The following PCDH9 variants were observed in gnomAD, a reference collection of about 807,000 sequenced individuals.
PCDH9 encodes the protein protocadherin 9.
A neutral mutation model predicts 70.6 loss-of-function variants in PCDH9; 24 were observed. The observed-to-expected ratio is 0.34, with a 90% CI of 0.25 to 0.48. The LOEUF (loss-of-function observed/expected upper bound fraction) is 0.48. Ranked by LOEUF, PCDH9 falls within the 20% of genes least tolerant of loss-of-function variation. The probability of loss-of-function intolerance (pLI) is 0.99; values close to 1 mark genes in which losing one functional copy is unlikely to be tolerated. For missense variants in PCDH9, 1,281 were observed against 1,503.6 expected, an observed-to-expected ratio of 0.85 and a Z score of 2.45; for synonymous variants, 562 against 558.5, an observed-to-expected ratio of 1.01 and a Z score of -0.09.
intron 4 of PCDH9, among the ~76,000 whole-genome samples, chr13:66,345,634 T>A (rs1168397232): frequency 1.3e-5 from 2 of 152,120 alleles, no homozygotes; most frequent in Non-Finnish European, 2.9e-5. Flanking sequence ...AAATAAAAGG[T>A]TTCCCCTGAA....
chr13:66,884,597 C>T (rs2081977088), intron 3 of PCDH9, among the ~76,000 whole-genome samples: 1 of 152,058 alleles, frequency 6.6e-6, no homozygotes, highest in Admixed American at 6.5e-5. Flanking sequence ...ACTGGCTTTC[C>T]TACATTATAA....
At chr13:66,715,919 T>C (rs2078861312) in intron 3 of PCDH9, among the ~76,000 whole-genome samples, 1 of 152,216 alleles carries the variant, frequency 6.6e-6, no homozygotes, top group African/African-American at 2.4e-5. Context: ...GAAAGGGTCT[T>C]TGGAATCTTT....
At chr13:67,109,225 A>G (rs2086608159) in intron 2 of PCDH9, among the ~76,000 whole-genome samples, 1 of 152,122 alleles carries the variant, frequency 6.6e-6, no homozygotes, top group South Asian at 2.1e-4. Context: ...CACCTTTGCC[A>G]CTTTTTCACC....
chr13:66,392,325 G>A (rs1957031996), intron 4 of PCDH9, among the ~76,000 whole-genome samples: 1 of 151,928 alleles, frequency 6.6e-6, no homozygotes, highest in South Asian at 2.1e-4. Context: ...TTAGAGAAAA[G>A]GTTGCAATAC....
chr13:67,043,551 G>A (rs1355059451), intron 2 of PCDH9, among the ~76,000 whole-genome samples: 2 of 152,002 alleles, frequency 1.3e-5, no homozygotes, highest in Non-Finnish European at 2.9e-5. Flanking sequence ...AAAATTATAG[G>A]GTCTATGGGC....
At chr13:66,437,972 G>A (rs1957904565) in intron 4 of PCDH9, among the ~76,000 whole-genome samples, 1 of 152,088 alleles carries the variant, frequency 6.6e-6, no homozygotes, top group East Asian at 1.9e-4. Flanking sequence ...GGTGGCTCAC[G>A]CCTGTAATTC....
At chr13:66,622,145 A>C (rs2077430550) in intron 4 of PCDH9, among the ~76,000 whole-genome samples, 1 of 152,212 alleles carries the variant, frequency 6.6e-6, no homozygotes, top group African/African-American at 2.4e-5. Flanking sequence ...GCCCACGGGC[A>C]CTGCACTCGA....
chr13:67,229,180 A>C (rs1374239645), intron 1 of PCDH9, among the ~76,000 whole-genome samples: 3 of 152,252 alleles, frequency 2.0e-5, no homozygotes, highest in Non-Finnish European at 4.4e-5. Context: ...GCCTAAAAGC[A>C]CAACAACAAG....
At chr13:66,661,490 A>G (rs760476556) in intron 3 of PCDH9, among the ~76,000 whole-genome samples, 4 of 152,180 alleles carry the variant, frequency 2.6e-5, no homozygotes, top group African/African-American at 4.8e-5. Flanking sequence ...ATCATTTACT[A>G]ATTAAAATTG....
chr13:67,069,657 C>T (rs2085720839), intron 2 of PCDH9, among the ~76,000 whole-genome samples: 1 of 152,112 alleles, frequency 6.6e-6, no homozygotes, highest in Non-Finnish European at 1.5e-5. Flanking sequence ...TGACCATCTC[C>T]TTTCTTTCTG....
intron 2 of PCDH9, among the ~76,000 whole-genome samples, chr13:67,159,141 G>T (rs1204756779): frequency 1.3e-5 from 2 of 152,182 alleles, no homozygotes; most frequent in Admixed American, 6.5e-5. Context: ...CCTGCAACTG[G>T]ATATTGTTGG....
intron 2 of PCDH9, chr13:67,212,900 G>C (rs9564381): frequency 0.25 from 37,716 of 151,754 alleles, 5,024 homozygotes; most frequent in Admixed American, 0.35. Context: ...GGACTTTCTA[G>C]GACAGTTACC....
intron 3 of PCDH9, among the ~76,000 whole-genome samples, chr13:66,859,850 C>T (rs1004530407): frequency 6.6e-6 from 1 of 152,042 alleles, no homozygotes; most frequent in Non-Finnish European, 1.5e-5. Context: ...AGGAAATGCA[C>T]CCCTACTAAT....
chr13:66,446,724 A>G (rs1958098710), intron 4 of PCDH9, among the ~76,000 whole-genome samples: 1 of 152,100 alleles, frequency 6.6e-6, no homozygotes, highest in Admixed American at 6.6e-5. Context: ...ATCACATTCA[A>G]AAAATCTTAA....
intron 4 of PCDH9, among the ~76,000 whole-genome samples, chr13:66,452,809 T>C (rs1958240377): frequency 6.6e-6 from 1 of 152,156 alleles, no homozygotes; most frequent in South Asian, 2.1e-4. Flanking sequence ...AATGTATCAC[T>C]TTACCTAAAC....
At chr13:67,110,428 T>A (rs1395281753) in intron 2 of PCDH9, among the ~76,000 whole-genome samples, 1 of 145,376 alleles carries the variant, frequency 6.9e-6, no homozygotes. Context: ...GCAGGAGAGT[T>A]GCCTGAACCC....
At chr13:66,934,922 G>T (rs1466556564) in intron 2 of PCDH9, among the ~76,000 whole-genome samples, 2 of 149,964 alleles carry the variant, frequency 1.3e-5, no homozygotes, top group East Asian at 4.0e-4. Context: ...GGGTTTCACC[G>T]TGTTAGCCAG....
At chr13:67,048,189 A>C (rs927228347) in intron 2 of PCDH9, among the ~76,000 whole-genome samples, 2 of 152,198 alleles carry the variant, frequency 1.3e-5, no homozygotes, top group Non-Finnish European at 2.9e-5. Context: ...TGCTCTTCTT[A>C]GAGCCTAACA....
chr13:66,405,775 T>C (rs1957269903), intron 4 of PCDH9, among the ~76,000 whole-genome samples: 1 of 152,186 alleles, frequency 6.6e-6, no homozygotes, highest in African/African-American at 2.4e-5. Context: ...AATTTAAACC[T>C]TGGAGTCTTA....
Sources: gnomAD v4.1 joint callset for allele counts (sites outside exome capture counted in the v4.1 genomes callset) on GRCh38, gnomAD v4.1.1 for gene constraint, MANE v1.5 for transcripts, NCBI Gene and HGNC (gene_info 2026-07-23, HGNC 2026-07-21) for gene names.